MYT1L: variants seen among roughly 807,000 people sequenced by gnomAD.
The protein encoded by MYT1L is myelin transcription factor 1 like, also known as myelin transcription factor 1-like protein.
MYT1L carries 12 observed loss-of-function variants against 126.7 expected under a neutral mutation model. That is an observed-to-expected ratio of 0.09 (90% CI 0.06 to 0.15). The LOEUF (loss-of-function observed/expected upper bound fraction) is 0.15. MYT1L is among the 10% of genes least tolerant of loss of function. The pLI is 1.00. For missense variants in MYT1L, 979 were observed against 1,585.2 expected (o/e 0.62, Z 6.49); for synonymous variants, 541 against 604.2 (o/e 0.90, Z 1.53).
chr2:1,813,970 T>G (rs1203396247), intron 21 of MYT1L, among the ~76,000 whole-genome samples: 7 of 125,880 alleles, frequency 5.6e-5, no homozygotes, highest in Non-Finnish European at 9.6e-5. Context: ...GAGCTTGCAG[T>G]GAGCCGAGAT....
In MYT1L at chr2:2,013,177, T is replaced by C. The variant is rs146148643; in HGVS notation, c.-157-15830A>G. Among the ~76,000 whole-genome samples, 10 of 152,286 alleles carry C rather than the reference T, an allele frequency of 6.6e-5. No individual in the cohort carries two copies. In the East Asian group the frequency reaches 1.9e-3, roughly 29 times the overall value. On this transcript the variant is annotated intron_variant, in intron 4 of 24. Coordinates refer to ENST00000647738, the MANE Select transcript of MYT1L (RefSeq NM_001303052.2). ...GTTGTTGATATATTCATGCGATGTC[T>C]CAAGGAACACTCAGGAAACACAAAT...
chr2:1,980,813 C>T (rs570588371), intron 5 of MYT1L, among the ~76,000 whole-genome samples: 17 of 152,228 alleles, frequency 1.1e-4, no homozygotes, highest in South Asian at 4.1e-4. Context: ...GTTCACCAAA[C>T]ATTCCCACAG....
chr2:2,038,534 A>G lies in MYT1L; in HGVS notation c.-158+15444T>C, dbSNP rs578072303. Among the ~76,000 whole-genome samples, 16 of 152,164 alleles carry G rather than the reference A, an allele frequency of 1.1e-4. No individual in the cohort carries two copies. In the East Asian group the frequency reaches 2.1e-3, roughly 20 times the overall value. On this transcript the variant is annotated intron_variant, in intron 4 of 24. Coordinates refer to ENST00000647738, the MANE Select transcript of MYT1L (RefSeq NM_001303052.2). ...GCCCAGTTCGGCTCATCTTGTCTGG[A>G]CGCCATGTTTATTTGTCAATATTTC...
chr2:2,275,202 A>ATATGTGTGTG (rs71402144), intron 2 of MYT1L, among the ~76,000 whole-genome samples: 2 of 139,452 alleles, frequency 1.4e-5, no homozygotes, highest in African/African-American at 5.4e-5. Flanking sequence ...TAATAATAAA[A>ATATGTGTGTG]TGTGTGTGTG....
At chr2:1,972,646 G>T (rs745849423) in intron 8 of MYT1L, among the ~76,000 whole-genome samples, 1 of 152,192 alleles carries the variant, frequency 6.6e-6, no homozygotes, top group African/African-American at 2.4e-5. Flanking sequence ...CAAATGAGGC[G>T]TGCATACATC....
chr2:2,081,836 T>C (rs1575045635), intron 3 of MYT1L, among the ~76,000 whole-genome samples: 2 of 152,124 alleles, frequency 1.3e-5, no homozygotes, highest in South Asian at 4.2e-4. Flanking sequence ...GCCTCCTGGG[T>C]TCAAGCGATT....
chr2:1,933,271 A>T (rs2055273562), intron 9 of MYT1L, among the ~76,000 whole-genome samples: 1 of 151,660 alleles, frequency 6.6e-6, no homozygotes, highest in South Asian at 2.1e-4. Context: ...CAGGGCTCCC[A>T]GGTGATAGAG....
chr2:1,894,831 C>G (rs35295773), intron 14 of MYT1L, among the ~76,000 whole-genome samples: 2 of 152,048 alleles, frequency 1.3e-5, no homozygotes, highest in African/African-American at 4.8e-5. Flanking sequence ...CGTCATGAGC[C>G]CCTCTCACAG....
At chr2:1,948,305 T>C (rs1445293452) in intron 8 of MYT1L, among the ~76,000 whole-genome samples, 1 of 152,216 alleles carries the variant, frequency 6.6e-6, no homozygotes, top group Non-Finnish European at 1.5e-5. Context: ...TATTTGTTAA[T>C]GTAAAGCGTG....
chr2:2,108,238 A>C (rs1486841346), intron 3 of MYT1L, among the ~76,000 whole-genome samples: 2 of 152,150 alleles, frequency 1.3e-5, no homozygotes, highest in Non-Finnish European at 2.9e-5. Context: ...CCAGTGTGCT[A>C]TGCAAGGCAG....
At chr2:2,155,124 T>C (rs527855138) in intron 3 of MYT1L, among the ~76,000 whole-genome samples, 82 of 151,568 alleles carry the variant, frequency 5.4e-4, no homozygotes, top group Admixed American at 3.7e-3. Flanking sequence ...TGAAACTCCA[T>C]CTCAATCAAT....
chr2:2,181,591 T>C (rs2091535109), intron 2 of MYT1L, among the ~76,000 whole-genome samples: 1 of 152,172 alleles, frequency 6.6e-6, no homozygotes, highest in South Asian at 2.1e-4. Context: ...ATCCTAATGG[T>C]AGGGGCATGA....
chr2:2,138,340 C>T (rs2083367791), intron 3 of MYT1L, among the ~76,000 whole-genome samples: 1 of 147,746 alleles, frequency 6.8e-6, no homozygotes, highest in Non-Finnish European at 1.5e-5. Flanking sequence ...CATCCCATTA[C>T]TGGGTATATA....
At chr2:2,232,755 G>T (rs1242012879) in intron 2 of MYT1L, among the ~76,000 whole-genome samples, 1 of 152,196 alleles carries the variant, frequency 6.6e-6, no homozygotes, top group Non-Finnish European at 1.5e-5. Flanking sequence ...CAGGAAGGCA[G>T]TGTGGAGCAA....
At chr2:2,210,879 T>A (rs147469906) in intron 2 of MYT1L, among the ~76,000 whole-genome samples, 34 of 152,318 alleles carry the variant, frequency 2.2e-4, no homozygotes, top group Non-Finnish European at 3.7e-4. Context: ...CCTTTCCATT[T>A]TTTTGTTTCT....
chr2:2,193,143 A>G (rs1032790251), intron 2 of MYT1L, among the ~76,000 whole-genome samples: 1 of 151,752 alleles, frequency 6.6e-6, no homozygotes, highest in Admixed American at 6.6e-5. Flanking sequence ...ACGCCTGGCT[A>G]TTTTTTATAT....
At chr2:2,176,983 AT>A in intron 2 of MYT1L, among the ~76,000 whole-genome samples, 1 of 152,282 alleles carries the variant, frequency 6.6e-6, no homozygotes. Context: ...TAAAGCCACA[AT>A]TGCATTGTTT....
At chr2:1,810,437 G>A (rs907476219) in intron 21 of MYT1L, among the ~76,000 whole-genome samples, 9 of 152,128 alleles carry the variant, frequency 5.9e-5, no homozygotes, top group South Asian at 2.1e-4. Context: ...ACCGCACCCC[G>A]CCTATAATGT....
rs534458494 is a variant in MYT1L at position 1,932,668 on chromosome 2, G to A, written c.506-9405C>T. Among the ~76,000 whole-genome samples, 25 of 152,266 alleles carry A rather than the reference G, an allele frequency of 1.6e-4. No homozygotes were observed. The South Asian group carries it at 5.0e-3, about 30-fold the overall frequency. On this transcript the variant is annotated intron_variant, in intron 9 of 24. Transcript: ENST00000647738. The stretch of plus-strand genomic sequence containing the variant: ...GACAGTACGTGGGATGGGGGGTCGG[G>A]CAAGTCCTCATTGAGAAGGTGCCAC...
Sources: gnomAD v4.1 joint callset for allele counts (sites outside exome capture counted in the v4.1 genomes callset) on GRCh38, gnomAD v4.1.1 for gene constraint, MANE v1.5 for transcripts, NCBI Gene and HGNC (gene_info 2026-07-23, HGNC 2026-07-21) for gene names.